Variants in SV2C observed in about 807,000 individuals in gnomAD.
SV2C encodes the protein synaptic vesicle glycoprotein 2C.
A neutral mutation model predicts 79.7 loss-of-function variants in SV2C; 49 were observed. The ratio of observed to expected loss-of-function variants is 0.61; its 90% CI spans 0.49 to 0.78. The LOEUF is 0.78. Among genes scored for constraint, SV2C ranks in the 30% least tolerant of loss-of-function variants. The probability of loss-of-function intolerance (pLI) is 0.00; values close to 1 mark genes in which losing one functional copy is unlikely to be tolerated. For synonymous variants in SV2C, 334 were observed against 333.2 expected (o/e 1.00, Z -0.03); for missense variants, 833 against 912.9 (o/e 0.91, Z 1.13).
At chr5:75,961,342 T>G in the SV2C span, among the ~76,000 whole-genome samples, 3 of 152,168 alleles carry the variant, frequency 2.0e-5, no homozygotes, top group East Asian at 5.8e-4. Context: ...TTATTTTTCT[T>G]GCCTTTATTT....
chr5:76,046,213 A>C, the SV2C span, among the ~76,000 whole-genome samples: 1 of 152,362 alleles, frequency 6.6e-6, no homozygotes. Flanking sequence ...TGGAAAAATA[A>C]GAAAATTCAG....
At chr5:76,319,531 A>G (rs1313431629) in intron 12 of SV2C, among the ~76,000 whole-genome samples, 4 of 152,204 alleles carry the variant, frequency 2.6e-5, no homozygotes, top group African/African-American at 9.6e-5. Flanking sequence ...GCCGACACTA[A>G]TTTACGGAGG....
chr5:75,902,953 G>T, the SV2C span, among the ~76,000 whole-genome samples: 1 of 152,022 alleles, frequency 6.6e-6, no homozygotes, highest in Non-Finnish European at 1.5e-5. Flanking sequence ...TGCACTGGGT[G>T]CCAGGCACTG....
intron 1 of SV2C, among the ~76,000 whole-genome samples, chr5:76,121,541 T>G (rs557355391): frequency 7.3e-5 from 11 of 151,486 alleles, no homozygotes; most frequent in African/African-American, 2.7e-4. Context: ...GAATTAATTT[T>G]TGTATAAGGT....
chr5:75,898,834 A>G, the SV2C span, among the ~76,000 whole-genome samples: 3 of 152,306 alleles, frequency 2.0e-5, no homozygotes, highest in Admixed American at 2.0e-4. Context: ...CATTTCTTCT[A>G]GATTTTCTAG....
At chr5:75,943,711 A>C in the SV2C span, among the ~76,000 whole-genome samples, 1 of 152,142 alleles carries the variant, frequency 6.6e-6, no homozygotes, top group Non-Finnish European at 1.5e-5. Context: ...AAAATGTGGA[A>C]ACAAGTGAGG....
At chr5:75,875,265 G>A in the SV2C span, among the ~76,000 whole-genome samples, 1 of 152,080 alleles carries the variant, frequency 6.6e-6, no homozygotes, top group Non-Finnish European at 1.5e-5. Flanking sequence ...AGAGAGCCCA[G>A]AAATAAAGCC....
At chr5:76,005,495 A>G in the SV2C span, among the ~76,000 whole-genome samples, 1 of 151,846 alleles carries the variant, frequency 6.6e-6, no homozygotes, top group Non-Finnish European at 1.5e-5. Flanking sequence ...CTTTTGGAGA[A>G]CCTCCCTCTA....
the SV2C span, among the ~76,000 whole-genome samples, chr5:75,929,913 C>T: frequency 3.3e-5 from 5 of 152,150 alleles, no homozygotes; most frequent in African/African-American, 1.2e-4. Context: ...TGTTAATATA[C>T]ATTTGGATAA....
the SV2C span, among the ~76,000 whole-genome samples, chr5:76,017,606 A>G: frequency 6.6e-6 from 1 of 152,288 alleles, no homozygotes; most frequent in African/African-American, 2.4e-5. Context: ...CTGGCATTTT[A>G]GCATTTCCTC....
chr5:75,854,588 G>A, the SV2C span, among the ~76,000 whole-genome samples: 2 of 152,040 alleles, frequency 1.3e-5, no homozygotes, highest in Non-Finnish European at 2.9e-5. Context: ...TTTGAGTTCT[G>A]AGAGTTTTTA....
chr5:76,086,268 G>T (rs539216309), intron 1 of SV2C, among the ~76,000 whole-genome samples: 1 of 152,186 alleles, frequency 6.6e-6, no homozygotes, highest in East Asian at 1.9e-4. Flanking sequence ...AATATATCAC[G>T]TGACGACAAG....
chr5:76,046,831 G>A, the SV2C span, among the ~76,000 whole-genome samples: 5 of 152,168 alleles, frequency 3.3e-5, no homozygotes, highest in East Asian at 1.9e-4. Flanking sequence ...AGGGGAGGTC[G>A]CAGTATGACT....
chr5:76,011,367 G>A, the SV2C span, among the ~76,000 whole-genome samples: 4 of 152,140 alleles, frequency 2.6e-5, no homozygotes, highest in Admixed American at 1.3e-4. Flanking sequence ...CCATTCTGGA[G>A]ATGAGAGAAA....
intron 2 of SV2C, 52 bp downstream of exon 2, chr5:76,132,382 G>A: frequency 4.0e-6 from 6 of 1,509,006 alleles, no homozygotes; most frequent in Non-Finnish European, 5.4e-6. Flanking sequence ...TATTTGTTAA[G>A]CACAGTTATC....
the SV2C span, among the ~76,000 whole-genome samples, chr5:75,904,291 C>T: frequency 0.017 from 2,657 of 152,090 alleles, 84 homozygotes; most frequent in African/African-American, 0.061. Flanking sequence ...AAAGAACCAG[C>T]TCACTGAATG....
At chr5:75,856,257 G>A in the SV2C span, among the ~76,000 whole-genome samples, 2 of 152,150 alleles carry the variant, frequency 1.3e-5, no homozygotes, top group Non-Finnish European at 2.9e-5. Context: ...ACAGACATAG[G>A]AGTGCAGAGA....
intron 2 of SV2C, among the ~76,000 whole-genome samples, chr5:76,186,892 C>T (rs1449827589): frequency 6.6e-6 from 1 of 152,124 alleles, no homozygotes; most frequent in Non-Finnish European, 1.5e-5. Flanking sequence ...GAGGGAACCA[C>T]CCCTATGATT....
intron 2 of SV2C, among the ~76,000 whole-genome samples, chr5:76,158,736 C>A (rs570437811): frequency 6.6e-6 from 1 of 152,116 alleles, no homozygotes; most frequent in African/African-American, 2.4e-5. Flanking sequence ...ATAATTAATA[C>A]CAATTCTTTA....
Sources: gnomAD v4.1 joint callset for allele counts (sites outside exome capture counted in the v4.1 genomes callset) on GRCh38, gnomAD v4.1.1 for gene constraint, MANE v1.5 for transcripts, NCBI Gene and HGNC (gene_info 2026-07-23, HGNC 2026-07-21) for gene names.